BMP7: variants seen among roughly 807,000 people sequenced by gnomAD.
The protein encoded by BMP7 is bone morphogenetic protein 7.
BMP7 carries 12 observed loss-of-function variants against 41.2 expected under a neutral mutation model. The observed-to-expected ratio is 0.29, with a 90% CI of 0.19 to 0.47. BMP7 has a LOEUF of 0.47. BMP7 is among the 20% of genes least tolerant of loss of function. The probability of loss-of-function intolerance (pLI) is 0.99; values close to 1 mark genes in which losing one functional copy is unlikely to be tolerated. For missense variants in BMP7, 467 were observed against 606.0 expected (o/e 0.77, Z 2.41); for synonymous variants, 248 against 250.0 (o/e 0.99, Z 0.07).
chr20:57,202,687 A>C, intron 2 of BMP7, 64 bp from the exon 3 acceptor site: 3 of 975,274 alleles, frequency 3.1e-6, no homozygotes, highest in Non-Finnish European at 4.4e-6. Context: ...CTACCCCAAC[A>C]GATGGGAAGC....
intron 1 of BMP7, among the ~76,000 whole-genome samples, chr20:57,241,454 G>T (rs950049881): frequency 6.6e-6 from 1 of 152,100 alleles, no homozygotes; most frequent in Non-Finnish European, 1.5e-5. Context: ...CCCTCCCCAG[G>T]CCCCCAGATT....
chr20:57,195,458 T>C (rs1330534940), intron 3 of BMP7, among the ~76,000 whole-genome samples: 5 of 152,094 alleles, frequency 3.3e-5, no homozygotes, highest in Admixed American at 1.3e-4. Context: ...CCCTCCCCAT[T>C]CTTGCCGTCC....
At chr20:57,193,069 G>T (rs970334089) in intron 3 of BMP7, among the ~76,000 whole-genome samples, 3 of 152,190 alleles carry the variant, frequency 2.0e-5, no homozygotes, top group African/African-American at 7.2e-5. Context: ...GGGACTCAGT[G>T]CTTGTCTCTC....
intron 4 of BMP7, among the ~76,000 whole-genome samples, chr20:57,176,701 T>C (rs1983928963): frequency 6.7e-6 from 1 of 149,994 alleles, no homozygotes; most frequent in African/African-American, 2.4e-5. Flanking sequence ...TTCTTCTTCT[T>C]CTTCTAGCCC....
At chr20:57,257,908 C>T (rs1187849863) in intron 1 of BMP7, among the ~76,000 whole-genome samples, 5 of 150,358 alleles carry the variant, frequency 3.3e-5, no homozygotes, top group Non-Finnish European at 5.9e-5. Flanking sequence ...TATATGCCAA[C>T]TGTCATGCTA....
At chr20:57,182,652 G>A (rs1371779473) in intron 4 of BMP7, among the ~76,000 whole-genome samples, 2 of 152,198 alleles carry the variant, frequency 1.3e-5, no homozygotes, top group African/African-American at 4.8e-5. Context: ...TTAGACAAAC[G>A]ACTTACCCTC....
intron 3 of BMP7, among the ~76,000 whole-genome samples, chr20:57,200,705 G>C (rs1984598905): frequency 6.6e-6 from 1 of 152,206 alleles, no homozygotes; most frequent in Admixed American, 6.5e-5. Flanking sequence ...TGAAGCAGGA[G>C]AATCGCTTGA....
chr20:57,206,989 G>A (rs1038647865), intron 2 of BMP7, among the ~76,000 whole-genome samples: 12 of 152,180 alleles, frequency 7.9e-5, no homozygotes, highest in Non-Finnish European at 1.8e-4. Context: ...TAGATTTTCT[G>A]CAAATAACAG....
In BMP7 at chr20:57,261,172, C is replaced by G. The variant is rs946160674; in HGVS notation, c.418+4533G>C. 1.3e-5 allele frequency among the ~76,000 whole-genome samples: 2 copies of G among 152,156 alleles called. No homozygotes were observed. The highest frequency in any genetic ancestry group is 4.8e-5 in the African/African-American group (2 of 41,426). ...ATTCCGGTGGTGAGGGGATCGCGCACCAGCTGTGTTTATCTCGGCAAAGGC... is the reference window on the plus strand; with the variant it reads ...ATTCCGGTGGTGAGGGGATCGCGCAGCAGCTGTGTTTATCTCGGCAAAGGC... On this transcript the variant is annotated intron_variant, in intron 1 of 6. Coordinates refer to ENST00000395863, the MANE Select transcript of BMP7 (RefSeq NM_001719.3). This position sits in a 1 kb window ranked among gnomAD's most constrained non-coding sequence, Gnocchi z 4.1.
Position 57,174,453 on chromosome 20 carries a change from G to A in BMP7, c.1035+478C>T, listed in dbSNP as rs1169928682. The stretch of plus-strand genomic sequence containing the variant: ...CACTCCATGCAAATGGCTCCAGAGG[G>A]GGCAGCCATGTGCCAGTAACATGAC... On this transcript the variant is annotated intron_variant, in intron 5 of 6. Transcript: ENST00000395863. This position sits in a 1 kb window ranked among gnomAD's most constrained non-coding sequence, Gnocchi z 4.3. Among the ~76,000 whole-genome samples the A allele has an allele frequency of 6.6e-6, 1 of 152,092 alleles. No individual in the cohort carries two copies.
intron 2 of BMP7, among the ~76,000 whole-genome samples, chr20:57,217,865 G>T (rs170725): frequency 0.66 from 100,018 of 151,990 alleles, 33,978 homozygotes; most frequent in African/African-American, 0.83. Flanking sequence ...TGTTAAAACA[G>T]GGGAAACCAG....
intron 4 of BMP7, among the ~76,000 whole-genome samples, chr20:57,178,786 G>A (rs1163191785): frequency 6.6e-6 from 1 of 152,132 alleles, no homozygotes; most frequent in African/African-American, 2.4e-5. Context: ...TCGAGCCAGG[G>A]ACATTGCTGA....
intron 3 of BMP7, among the ~76,000 whole-genome samples, chr20:57,200,151 G>A (rs981885240): frequency 6.6e-6 from 1 of 152,204 alleles, no homozygotes; most frequent in African/African-American, 2.4e-5. Flanking sequence ...GTGGTGCTTC[G>A]TAGCAACCAC....
At chr20:57,195,532 G>A (rs1351363209) in intron 3 of BMP7, among the ~76,000 whole-genome samples, 1 of 152,178 alleles carries the variant, frequency 6.6e-6, no homozygotes, top group Admixed American at 6.5e-5. Flanking sequence ...CTCCCTCTCC[G>A]GCTTCTGGAC....
At chr20:57,203,042 A>G (rs1600621245) in intron 2 of BMP7, among the ~76,000 whole-genome samples, 2 of 152,238 alleles carry the variant, frequency 1.3e-5, no homozygotes, top group Admixed American at 1.3e-4. Flanking sequence ...ATCTCATTCA[A>G]TTCCCACAAC....
At chr20:57,199,718 A>T (rs1227146782) in intron 3 of BMP7, among the ~76,000 whole-genome samples, 1 of 152,132 alleles carries the variant, frequency 6.6e-6, no homozygotes, top group African/African-American at 2.4e-5. Context: ...CACCCCCAAG[A>T]GGTCCAAAAC....
chr20:57,241,668 G>A (rs1027779207), intron 1 of BMP7, among the ~76,000 whole-genome samples: 1 of 152,210 alleles, frequency 6.6e-6, no homozygotes, highest in Admixed American at 6.5e-5. Flanking sequence ...AGAGACATGA[G>A]ACCTGGAGGC....
intron 4 of BMP7, among the ~76,000 whole-genome samples, chr20:57,183,430 C>T (rs1984132178): frequency 6.6e-6 from 1 of 151,176 alleles, no homozygotes; most frequent in Admixed American, 6.6e-5. Context: ...AGGGTCTTTC[C>T]TTCATCTCTG....
At chr20:57,180,175 A>G (rs962446473) in intron 4 of BMP7, among the ~76,000 whole-genome samples, 2 of 152,072 alleles carry the variant, frequency 1.3e-5, no homozygotes, top group Admixed American at 6.6e-5. Flanking sequence ...GAATGATCTT[A>G]TCACCTGCAC....
Sources: allele counts gnomAD v4.1 joint callset (sites outside exome capture counted in the v4.1 genomes callset), GRCh38; gene constraint gnomAD v4.1.1; non-coding constraint Gnocchi (gnomAD v3.1); transcripts MANE v1.5; gene names NCBI Gene and HGNC (gene_info 2026-07-23, HGNC 2026-07-21).